The following PCDH17 variants were observed in gnomAD, a reference collection of about 807,000 sequenced individuals.
PCDH17 encodes the protein protocadherin-17.
A neutral mutation model predicts 67.7 loss-of-function variants in PCDH17; 21 were observed. The observed-to-expected ratio is 0.31, with a 90% CI of 0.22 to 0.45. The LOEUF (loss-of-function observed/expected upper bound fraction) is 0.45, where lower values mean the gene tolerates loss of function less well. PCDH17 is among the 20% of genes least tolerant of loss of function. The pLI, the probability that PCDH17 is intolerant of heterozygous loss-of-function variation, is 1.00. For missense variants in PCDH17, 1,471 were observed against 1,564.8 expected (o/e 0.94, Z 1.01); for synonymous variants, 701 against 656.7 (o/e 1.07, Z -1.03).
At chr13:57,682,809 T>C (rs1955466535) in intron 3 of PCDH17, among the ~76,000 whole-genome samples, 1 of 151,808 alleles carries the variant, frequency 6.6e-6, no homozygotes, top group African/African-American at 2.4e-5. Context: ...AATGGGTAAA[T>C]GTTAAAGGAT....
intron 3 of PCDH17, among the ~76,000 whole-genome samples, chr13:57,703,616 G>A (rs1188653894): frequency 1.3e-5 from 2 of 152,112 alleles, no homozygotes; most frequent in Non-Finnish European, 2.9e-5. Flanking sequence ...ATTAGCCTGA[G>A]TTAGTATTCT....
intron 1 of PCDH17, among the ~76,000 whole-genome samples, chr13:57,641,858 C>A (rs1185703575): frequency 6.6e-6 from 1 of 150,872 alleles, no homozygotes; most frequent in Admixed American, 6.6e-5. Context: ...CAATAAAAGA[C>A]CATTTAAGTT....
At chr13:57,724,287 CAGAACAAAGACTA>C (rs1208571888) in intron 3 of PCDH17, among the ~76,000 whole-genome samples, 1 of 152,098 alleles carries the variant, frequency 6.6e-6, no homozygotes, top group African/African-American at 2.4e-5. Context: ...ATGAGTTATA[CAGAACAAAGACTA>C]ACTGATATTC....
intron 1 of PCDH17, among the ~76,000 whole-genome samples, chr13:57,665,640 T>A (rs1955243306): frequency 6.6e-6 from 1 of 152,134 alleles, no homozygotes; most frequent in Non-Finnish European, 1.5e-5. Flanking sequence ...ATGTACAGTA[T>A]AGGGAAATCT....
At chr13:57,676,486 T>C (rs1381083810) in intron 3 of PCDH17, among the ~76,000 whole-genome samples, 2 of 151,866 alleles carry the variant, frequency 1.3e-5, no homozygotes, top group African/African-American at 4.8e-5. Flanking sequence ...AAGAGGCAAC[T>C]GGCAATTACA....
At chr13:57,718,252 G>T (rs999331413) in intron 3 of PCDH17, among the ~76,000 whole-genome samples, 1 of 151,922 alleles carries the variant, frequency 6.6e-6, no homozygotes, top group East Asian at 1.9e-4. Context: ...ATTAAAAATG[G>T]TGTTAAAATA....
chr13:57,717,801 A>G (rs961276332), intron 3 of PCDH17, among the ~76,000 whole-genome samples: 3 of 152,088 alleles, frequency 2.0e-5, no homozygotes, highest in Non-Finnish European at 4.4e-5. Flanking sequence ...TCTGGAAGCC[A>G]GATTAGCAGT....
At chr13:57,711,755 CTA>C (rs540513610) in intron 3 of PCDH17, among the ~76,000 whole-genome samples, 127 of 150,964 alleles carry the variant, frequency 8.4e-4, no homozygotes, top group Admixed American at 1.4e-3. Context: ...CATTTTGTCT[CTA>C]TGTTATAAAA....
rs1274777620 is a variant in PCDH17, at chr13:57,635,117, A to T, written c.2565+6A>T. 1 of 1,612,288 alleles carries T rather than the reference A, an allele frequency of 6.2e-7. No homozygotes were observed. Reference sequence around the variant, plus strand: ...CTCGGATGTCCATAATTCAGGTAGGAGACTTTTAGCATAACTGGGAGTTCA... The same window carrying T: ...CTCGGATGTCCATAATTCAGGTAGGTGACTTTTAGCATAACTGGGAGTTCA... On this transcript the variant is annotated splice_donor_region_variant and intron_variant, in intron 1 of 3. Transcript: ENST00000377918.
chr13:57,646,831 T>C (rs1484125709), intron 1 of PCDH17, among the ~76,000 whole-genome samples: 1 of 151,746 alleles, frequency 6.6e-6, no homozygotes, highest in Non-Finnish European at 1.5e-5. Flanking sequence ...ATAGTTCAAG[T>C]CCATCTGTTA....
chr13:57,683,879 T>C (rs1400156864), intron 3 of PCDH17, among the ~76,000 whole-genome samples: 1 of 151,830 alleles, frequency 6.6e-6, no homozygotes, highest in Non-Finnish European at 1.5e-5. Flanking sequence ...CCTAAACCAA[T>C]TGAGATGTGT....
chr13:57,708,732 C>T (rs1566243859), intron 3 of PCDH17, among the ~76,000 whole-genome samples: 1 of 151,782 alleles, frequency 6.6e-6, no homozygotes, highest in Non-Finnish European at 1.5e-5. Context: ...AATTATTTTC[C>T]AGGGGAGGGG....
At chr13:57,699,173 T>C (rs1955639356) in intron 3 of PCDH17, among the ~76,000 whole-genome samples, 1 of 152,058 alleles carries the variant, frequency 6.6e-6, no homozygotes, top group East Asian at 1.9e-4. Flanking sequence ...CTTGTAGGCA[T>C]TGATGTTTTG....
intron 3 of PCDH17, among the ~76,000 whole-genome samples, chr13:57,701,107 A>C (rs756039461): frequency 3.3e-5 from 5 of 152,148 alleles, no homozygotes; most frequent in Non-Finnish European, 5.9e-5. Flanking sequence ...GTTTAGACTA[A>C]AAATAAACCT....
chr13:57,710,725 T>C (rs1211578104), intron 3 of PCDH17, among the ~76,000 whole-genome samples: 5 of 151,968 alleles, frequency 3.3e-5, no homozygotes, highest in African/African-American at 1.2e-4. Context: ...AAAATGATTA[T>C]ATCAGGTTGT....
At chr13:57,646,174 C>G (rs1230403658) in intron 1 of PCDH17, among the ~76,000 whole-genome samples, 1 of 151,446 alleles carries the variant, frequency 6.6e-6, no homozygotes, top group Non-Finnish European at 1.5e-5. Context: ...AGCCAACTTA[C>G]AACATTTTTC....
intron 3 of PCDH17, among the ~76,000 whole-genome samples, chr13:57,685,011 A>G (rs1449316431): frequency 6.6e-6 from 1 of 151,958 alleles, no homozygotes; most frequent in East Asian, 1.9e-4. Context: ...ATCTATCTGC[A>G]TTATGAATTA....
chr13:57,649,685 T>C (rs1955012091), intron 1 of PCDH17, among the ~76,000 whole-genome samples: 1 of 152,218 alleles, frequency 6.6e-6, no homozygotes, highest in South Asian at 2.1e-4. Flanking sequence ...TATTTATTGG[T>C]TCTGCAATAA....
At chr13:57,683,253 C>T (rs1211799743) in intron 3 of PCDH17, among the ~76,000 whole-genome samples, 1 of 151,652 alleles carries the variant, frequency 6.6e-6, no homozygotes, top group African/African-American at 2.4e-5. Flanking sequence ...AGTTGGAAAC[C>T]CTTGATAGAA....
Sources: allele counts gnomAD v4.1 joint callset (sites outside exome capture counted in the v4.1 genomes callset), GRCh38; gene constraint gnomAD v4.1.1; transcripts MANE v1.5; gene names NCBI Gene and HGNC (gene_info 2026-07-23, HGNC 2026-07-21).